The following FRMD4B variants were observed in gnomAD, a reference collection of about 807,000 sequenced individuals.
FRMD4B encodes FERM domain-containing protein 4B.
A neutral mutation model predicts 141.5 loss-of-function variants in FRMD4B; 74 were observed. The ratio of observed to expected loss-of-function variants is 0.52; its 90% CI spans 0.43 to 0.63. The LOEUF (loss-of-function observed/expected upper bound fraction) is 0.63. Ranked by LOEUF, FRMD4B falls within the 30% of genes least tolerant of loss-of-function variation. The pLI, the probability that FRMD4B is intolerant of heterozygous loss-of-function variation, is 0.00. For missense variants in FRMD4B, 1,366 were observed against 1,253.4 expected (o/e 1.09, Z -1.36); for synonymous variants, 506 against 467.9 (o/e 1.08, Z -1.05).
intron 3 of FRMD4B, among the ~76,000 whole-genome samples, chr3:69,310,995 GA>G (rs1701568185): frequency 1.3e-5 from 2 of 152,244 alleles, no homozygotes; most frequent in South Asian, 4.2e-4. Flanking sequence ...GACATGAGAA[GA>G]TACACTGTAA....
intron 3 of FRMD4B, 126 bp downstream of exon 3, chr3:69,311,137 A>C: frequency 2.0e-6 from 1 of 507,132 alleles, no homozygotes; most frequent in South Asian, 3.9e-5. Context: ...ATATTAAAAA[A>C]CCTTTAGCTA....
intron 7 of FRMD4B, among the ~76,000 whole-genome samples, chr3:69,246,007 T>G (rs565976603): frequency 6.6e-6 from 1 of 152,042 alleles, no homozygotes; most frequent in South Asian, 2.1e-4. Flanking sequence ...CCAGCTAATT[T>G]TGTATTTTTA....
intron 16 of FRMD4B, 72 bp downstream of exon 16, chr3:69,194,950 A>C: frequency 7.0e-7 from 1 of 1,425,292 alleles, no homozygotes; most frequent in Non-Finnish European, 9.6e-7. Context: ...AAACCAAAGG[A>C]AAATGTCCAC....
At chr3:69,366,060 A>AACACACACACACAC (rs4063529) in intron 1 of FRMD4B, among the ~76,000 whole-genome samples, 4 of 127,140 alleles carry the variant, frequency 3.1e-5, no homozygotes, top group African/African-American at 9.5e-5. Flanking sequence ...ACCTCTACAA[A>AACACACACACACAC]ACACACACAC....
chr3:69,249,897 G>A (rs2093450145), intron 6 of FRMD4B, 146 bp downstream of exon 6: 1 of 659,460 alleles, frequency 1.5e-6, no homozygotes, highest in Non-Finnish European at 2.7e-6. Flanking sequence ...GCAGAAGACG[G>A]TGGCGCACAT....
intron 12 of FRMD4B, chr3:69,198,438 A>G (rs1209510301): frequency 4.8e-6 from 2 of 420,880 alleles, no homozygotes; most frequent in East Asian, 7.8e-5. Context: ...AAAAATAACA[A>G]GTGTCGGTGA....
intron 5 of FRMD4B, 191 bp from the exon 6 acceptor site, chr3:69,250,290 C>CGT (rs10526962): frequency 0.054 from 22,058 of 408,902 alleles, 260 homozygotes; most frequent in African/African-American, 0.1. Context: ...ACTGTGTGTG[C>CGT]GTGTGTGTGT....
At chr3:69,183,766 G>GC (rs2092735531) in intron 19 of FRMD4B, among the ~76,000 whole-genome samples, 1 of 151,642 alleles carries the variant, frequency 6.6e-6, no homozygotes, top group Non-Finnish European at 1.5e-5. Flanking sequence ...ACAGGCGTGA[G>GC]CCACCGCGCC....
intron 1 of FRMD4B, among the ~76,000 whole-genome samples, chr3:69,377,750 G>A (rs1704010753): frequency 6.6e-6 from 1 of 152,072 alleles, no homozygotes; most frequent in Non-Finnish European, 1.5e-5. Context: ...GAGGTCAGCT[G>A]CAGTTTTTGT....
chr3:69,343,577 G>GTTTTTGTTTTTTTTTTTTTTTTTTTTT (rs775904583), intron 1 of FRMD4B, among the ~76,000 whole-genome samples: 1 of 126,538 alleles, frequency 7.9e-6, no homozygotes, highest in African/African-American at 3.0e-5. Flanking sequence ...ACAGTTTTTT[G>GTTTTTGTTTTTTTTTTTTTTTTTTTTT]TTTTTTTTTT....
intron 1 of FRMD4B, among the ~76,000 whole-genome samples, chr3:69,360,593 C>G (rs1023390803): frequency 6.6e-6 from 1 of 152,176 alleles, no homozygotes; most frequent in Non-Finnish European, 1.5e-5. Context: ...TCTCTCCTCT[C>G]TCTCTCATTG....
At chr3:69,186,641 G>A (rs1241512654) in intron 19 of FRMD4B, among the ~76,000 whole-genome samples, 1 of 152,184 alleles carries the variant, frequency 6.6e-6, no homozygotes, top group Non-Finnish European at 1.5e-5. Flanking sequence ...GAAGCCAAGA[G>A]GCAGGGGTTG....
At chr3:69,436,250 C>A (rs1329632752) in intron 1 of FRMD4B, among the ~76,000 whole-genome samples, 4 of 152,098 alleles carry the variant, frequency 2.6e-5, no homozygotes, top group Non-Finnish European at 5.9e-5. Context: ...ATAATGCAAT[C>A]AATATTCTGT....
At position 69,171,530 on chromosome 3, in the gene FRMD4B, T is replaced by C; in HGVS notation, c.*331A>G. On this transcript the variant is annotated 3_prime_UTR_variant, in exon 23 of 23. Transcript: ENST00000398540. ...CATCCTGAATGCCCTTTCATGTTTT[T>C]GAGGTTTGCCTTTAACAACTTTTAC... 5.2e-6 allele frequency: 1 copy of C among 193,504 alleles called. No homozygotes were observed. The highest frequency in any genetic ancestry group is 1.1e-5 in the Non-Finnish European group (1 of 94,984). The allele number at this position is 193,504 out of a possible 1,614,324, so 12.0% of individuals were successfully genotyped here.
intron 4 of FRMD4B, chr3:69,293,004 A>C (rs1469669486): frequency 8.8e-6 from 4 of 454,260 alleles, no homozygotes; most frequent in Non-Finnish European, 1.3e-5. Context: ...TCTTGAGAAG[A>C]GAATTTGCTC....
intron 2 of FRMD4B, among the ~76,000 whole-genome samples, chr3:69,411,005 G>C (rs1307307230): frequency 6.6e-6 from 1 of 152,006 alleles, no homozygotes; most frequent in Non-Finnish European, 1.5e-5. Flanking sequence ...TGAAATCCAT[G>C]AGTCCCATGG....
chr3:69,198,397 G>A (rs2092930094), intron 12 of FRMD4B: 1 of 300,568 alleles, frequency 3.3e-6, no homozygotes, highest in Admixed American at 4.7e-5. Flanking sequence ...AACCCACTAG[G>A]ATGGCATAAA....
intron 1 of FRMD4B, among the ~76,000 whole-genome samples, chr3:69,343,371 C>G (rs1702806743): frequency 6.6e-6 from 1 of 152,098 alleles, no homozygotes; most frequent in Admixed American, 6.6e-5. Flanking sequence ...TCGACACTTC[C>G]TCTCTTTGTC....
intron 7 of FRMD4B, among the ~76,000 whole-genome samples, chr3:69,233,651 A>G (rs2093326243): frequency 6.6e-6 from 1 of 152,184 alleles, no homozygotes; most frequent in African/African-American, 2.4e-5. Flanking sequence ...TTAAGTGTAT[A>G]TGTACCATAC....
Sources: allele counts gnomAD v4.1 joint callset (sites outside exome capture counted in the v4.1 genomes callset), GRCh38; gene constraint gnomAD v4.1.1; transcripts MANE v1.5; gene names NCBI Gene and HGNC (gene_info 2026-07-23, HGNC 2026-07-21).